NKAIN2: variants seen among roughly 807,000 people sequenced by gnomAD.
NKAIN2 encodes the protein sodium/potassium-transporting ATPase subunit beta-1-interacting protein 2.
In NKAIN2, 14 loss-of-function variants were observed where a neutral mutation model predicts 32.6. That is an observed-to-expected ratio of 0.43 (90% CI 0.28 to 0.67). The LOEUF is 0.67. NKAIN2 is among the 30% of genes least tolerant of loss of function. The pLI, the probability that NKAIN2 is intolerant of heterozygous loss-of-function variation, is 0.17. For synonymous variants in NKAIN2, 80 were observed against 87.2 expected, an observed-to-expected ratio of 0.92 and a Z score of 0.46; for missense variants, 198 against 258.3, an observed-to-expected ratio of 0.77 and a Z score of 1.60.
intron 1 of NKAIN2, among the ~76,000 whole-genome samples, chr6:123,896,666 T>C (rs996691521): frequency 2.0e-5 from 3 of 152,182 alleles, no homozygotes; most frequent in African/African-American, 7.2e-5. Context: ...TGTGTTTTTG[T>C]TTGTTTGTTT....
At chr6:123,921,617 T>C (rs1406303334) in intron 1 of NKAIN2, among the ~76,000 whole-genome samples, 1 of 152,196 alleles carries the variant, frequency 6.6e-6, no homozygotes. Flanking sequence ...CTGGTCTCTC[T>C]CTTCTACTTG....
intron 3 of NKAIN2, among the ~76,000 whole-genome samples, chr6:124,508,404 G>A (rs569753682): frequency 1.3e-5 from 2 of 151,856 alleles, no homozygotes; most frequent in Admixed American, 6.5e-5. Flanking sequence ...GAGTGCAGTG[G>A]CTTGATCTCG....
At chr6:124,015,512 T>A (rs578124633) in intron 1 of NKAIN2, among the ~76,000 whole-genome samples, 1 of 152,334 alleles carries the variant, frequency 6.6e-6, no homozygotes, top group African/African-American at 2.4e-5. Flanking sequence ...GTATGCTTCA[T>A]GCTTGAAAGT....
intron 1 of NKAIN2, among the ~76,000 whole-genome samples, chr6:124,060,190 A>G (rs1451565568): frequency 1.3e-5 from 2 of 152,158 alleles, no homozygotes; most frequent in Non-Finnish European, 2.9e-5. Flanking sequence ...AGACAATCAC[A>G]ATCACATTTG....
chr6:124,514,788 G>GCCTGGAT (rs566233367), intron 3 of NKAIN2, among the ~76,000 whole-genome samples: 131 of 148,764 alleles, frequency 8.8e-4, no homozygotes, highest in Non-Finnish European at 1.6e-3. Context: ...AAAAGCTCAT[G>GCCTGGAT]CCTGGATCTT....
chr6:124,291,716 G>A (rs576536351), intron 2 of NKAIN2, among the ~76,000 whole-genome samples: 4 of 152,010 alleles, frequency 2.6e-5, no homozygotes, highest in Non-Finnish European at 1.5e-5. Flanking sequence ...TGCATAATAC[G>A]ACAACCTTTG....
At chr6:124,726,953 A>G (rs1490070691) in intron 4 of NKAIN2, among the ~76,000 whole-genome samples, 2 of 139,792 alleles carry the variant, frequency 1.4e-5, no homozygotes, top group Non-Finnish European at 3.0e-5. Context: ...AAGAAAGGGT[A>G]TCAGCGATGG....
intron 1 of NKAIN2, among the ~76,000 whole-genome samples, chr6:124,172,480 C>G (rs1401116150): frequency 6.6e-6 from 1 of 152,040 alleles, no homozygotes; most frequent in South Asian, 2.1e-4. Context: ...TCAAATATTC[C>G]TTTAAATTCT....
Position 123,945,285 on chromosome 6 carries a change from G to A in NKAIN2, c.54+141031G>A, listed in dbSNP as rs80212082. Among the ~76,000 whole-genome samples, 1,125 of 152,112 alleles carry A rather than the reference G, an allele frequency of 7.4e-3. 6 individuals are homozygous for A. The highest frequency in any genetic ancestry group is 0.012 in the Non-Finnish European group (831 of 67,986). ...CAGCTACTTCCAATGTTGAGGCTCT[G>A]GTGCATTAGAAAATGAAGAAATGTC... On this transcript the variant is annotated intron_variant, in intron 1 of 6. Coordinates refer to ENST00000368417, the MANE Select transcript of NKAIN2 (RefSeq NM_001040214.3).
At chr6:124,741,503 C>G (rs182478197) in intron 4 of NKAIN2, among the ~76,000 whole-genome samples, 3 of 151,924 alleles carry the variant, frequency 2.0e-5, no homozygotes, top group Admixed American at 2.0e-4. Context: ...AAATACTACA[C>G]AGCCTCTGAC....
At chr6:124,460,208 C>G (rs1776479250) in intron 3 of NKAIN2, among the ~76,000 whole-genome samples, 1 of 151,694 alleles carries the variant, frequency 6.6e-6, no homozygotes. Flanking sequence ...TCTCAGCTTT[C>G]AGATACCGTC....
intron 1 of NKAIN2, among the ~76,000 whole-genome samples, chr6:124,168,146 AT>A (rs113840813): frequency 6.6e-6 from 1 of 152,112 alleles, no homozygotes; most frequent in African/African-American, 2.4e-5. Context: ...TGGACATTTA[AT>A]TTTTTTATAA....
intron 1 of NKAIN2, among the ~76,000 whole-genome samples, chr6:123,991,266 G>T (rs925761736): frequency 1.3e-5 from 2 of 152,052 alleles, no homozygotes; most frequent in Non-Finnish European, 2.9e-5. Context: ...ATAAACACTT[G>T]GTTCCTGTAT....
chr6:124,367,032 T>C (rs1485254701), intron 3 of NKAIN2, among the ~76,000 whole-genome samples: 1 of 152,132 alleles, frequency 6.6e-6, no homozygotes, highest in Non-Finnish European at 1.5e-5. Context: ...GTAATACATA[T>C]GTACATTTCC....
intron 4 of NKAIN2, among the ~76,000 whole-genome samples, chr6:124,664,200 G>T (rs546833160): frequency 1.5e-3 from 222 of 151,842 alleles, no homozygotes; most frequent in Admixed American, 2.9e-3. Context: ...GCCTGGACCC[G>T]GGAGGCGGAG....
chr6:124,727,283 A>G (rs1776376634), intron 4 of NKAIN2, among the ~76,000 whole-genome samples: 1 of 152,128 alleles, frequency 6.6e-6, no homozygotes, highest in Non-Finnish European at 1.5e-5. Flanking sequence ...AAATGAAGGA[A>G]AAAATGTTAA....
At chr6:124,163,075 T>A (rs559600110) in intron 1 of NKAIN2, among the ~76,000 whole-genome samples, 13 of 152,226 alleles carry the variant, frequency 8.5e-5, no homozygotes, top group African/African-American at 3.1e-4. Flanking sequence ...TTTTTTCATC[T>A]TCATACTGTG....
chr6:124,361,547 A>G (rs1799289410), intron 3 of NKAIN2, among the ~76,000 whole-genome samples: 1 of 152,084 alleles, frequency 6.6e-6, no homozygotes, highest in Non-Finnish European at 1.5e-5. Context: ...ATTTCACTAT[A>G]GTAACAGAAA....
intron 1 of NKAIN2, among the ~76,000 whole-genome samples, chr6:124,027,233 G>A (rs576961796): frequency 1.7e-3 from 254 of 151,416 alleles, no homozygotes; most frequent in African/African-American, 5.7e-3. Context: ...TCCGCCTCCC[G>A]GGTTCAAGCG....
Sources: gnomAD v4.1 joint callset for allele counts (sites outside exome capture counted in the v4.1 genomes callset) on GRCh38, gnomAD v4.1.1 for gene constraint, MANE v1.5 for transcripts, NCBI Gene and HGNC (gene_info 2026-07-23, HGNC 2026-07-21) for gene names.